DPP3: variants seen among roughly 807,000 people sequenced by gnomAD.
The protein encoded by DPP3 is DPP III.
DPP3 carries 64 observed loss-of-function variants against 89.8 expected under a neutral mutation model. That is an observed-to-expected ratio of 0.71 (90% CI 0.58 to 0.88). DPP3 has a LOEUF of 0.88. Among genes scored for constraint, DPP3 ranks in the 40% least tolerant of loss-of-function variants. DPP3 has a pLI of 0.00. For synonymous variants in DPP3, 377 were observed against 404.3 expected, an observed-to-expected ratio of 0.93 and a Z score of 0.81; for missense variants, 835 against 972.5, an observed-to-expected ratio of 0.86 and a Z score of 1.88.
rs1365008607 is a variant in DPP3 at position 66,493,459 on chromosome 11, A to C, written c.1297-82A>C. The C allele has an allele frequency of 2.8e-6, 4 of 1,434,820 alleles. No individual in the cohort carries two copies. The East Asian group carries it at 6.9e-5, about 25-fold the overall frequency. The allele number at this position is 1,434,820 out of a possible 1,614,324, so 88.9% of individuals were successfully genotyped here. ...CAAGCACATGCACTGAGATGGGTCC[A>C]TGGCCCAGGGGAGGGGAGGCCGACA... On this transcript the variant is annotated intron_variant, in intron 11 of 17. Transcript: ENST00000531863.
At chr11:66,501,825 C>CAAAA (rs35196491) in intron 16 of DPP3, among the ~76,000 whole-genome samples, 1 of 84,440 alleles carries the variant, frequency 1.2e-5, no homozygotes, top group Non-Finnish European at 2.4e-5. Context: ...ACTTTGTCTC[C>CAAAA]AAAAAAAAAA....
rs892981343 is a variant in DPP3 at position 66,489,689 on chromosome 11, A to G, written c.668-1564A>G. Reference sequence around the variant, plus strand: ...TGGGTCAGGAATGCAGGTGGAGCACAGTAGGAACAGCCGGTCGCTGGGTGA... The same window carrying G: ...TGGGTCAGGAATGCAGGTGGAGCACGGTAGGAACAGCCGGTCGCTGGGTGA... On this transcript the variant is annotated intron_variant, in intron 6 of 17. Transcript: ENST00000531863. 8.5e-5 allele frequency among the ~76,000 whole-genome samples: 13 copies of G among 152,210 alleles called. 2 individuals are homozygous for G. Among genetic ancestry groups the G allele is most frequent in the Admixed American group, 7.9e-4 (12 of 15,278 alleles).
At chr11:66,498,242 C>T (rs1382971509) in intron 16 of DPP3, among the ~76,000 whole-genome samples, 5 of 152,140 alleles carry the variant, frequency 3.3e-5, no homozygotes, top group East Asian at 1.9e-4. Flanking sequence ...TACAGGTGCC[C>T]GCCACCATGC....
At chr11:66,486,982 G>T (rs568364013) in intron 4 of DPP3, among the ~76,000 whole-genome samples, 1 of 152,260 alleles carries the variant, frequency 6.6e-6, no homozygotes, top group East Asian at 1.9e-4. Flanking sequence ...GGGAAGGAGG[G>T]GGGTCCCAGG....
At chr11:66,501,287 G>C (rs1855670255) in intron 16 of DPP3, among the ~76,000 whole-genome samples, 1 of 152,006 alleles carries the variant, frequency 6.6e-6, no homozygotes. Flanking sequence ...TTGAACCCGG[G>C]AGGTGGGGAT....
chr11:66,485,339 C>T, intron 3 of DPP3, 77 bp downstream of exon 3: 1 of 1,414,564 alleles, frequency 7.1e-7, no homozygotes, highest in South Asian at 1.2e-5. Context: ...TAGAAGGAGC[C>T]CCAACTGGAG....
Position 66,493,171 on chromosome 11 carries a change from G to T in DPP3, c.1288G>T (p.Asp430Tyr), listed in dbSNP as rs755521307. The T allele has an allele frequency of 6.2e-7, 1 of 1,613,740 alleles. No individual in the cohort carries two copies. Among genetic ancestry groups the T allele is most frequent in the South Asian group, 1.1e-5 (1 of 91,038 alleles). The change falls in exon 11 of 18, where the codon GAT (aspartate) becomes TAT (tyrosine). Residue 430 changes from aspartate (D) to tyrosine (Y), a missense_variant. Physicochemically the swap from Asp to Tyr is radical, Grantham distance 160. Coordinates refer to ENST00000531863, the MANE Select transcript of DPP3 (RefSeq NM_130443.4). The part of the protein sequence containing the change: ...QREKLTFLEE[D>Y]DKDLYILWKG... ...GGAGAAGCTTACCTTTCTGGAGGAG[G>T]ATGACAAGGTGGGCGCCAGCAGTCG...
chr11:66,489,619 C>T (rs1049329814), intron 6 of DPP3, among the ~76,000 whole-genome samples: 1 of 152,160 alleles, frequency 6.6e-6, no homozygotes, highest in East Asian at 1.9e-4. Flanking sequence ...ACAAATGCTC[C>T]GCAAATTTAG....
rs1333897143 is a variant in DPP3, at chr11:66,491,729, C to G, written c.961C>G (p.Pro321Ala). 3.7e-6 allele frequency: 6 copies of G among 1,613,650 alleles called. No individual in the cohort carries two copies. The highest frequency in any genetic ancestry group is 5.1e-6 in the Non-Finnish European group (6 of 1,179,896). ...CGGGTTCATCGAGAGCTACCGCGAC[C>G]CCTTTGGTTCCCGAGGAGAATTTGA... ...YIGFIESYRDPFGSRGEFEGF... is the reference protein window; with the variant it reads ...YIGFIESYRDAFGSRGEFEGF... The change falls in exon 9 of 18, where the codon CCC (proline) becomes GCC (alanine). Residue 321 changes from proline to alanine, a missense_variant. Pro to Ala is a conservative substitution (Grantham distance 27). Transcript: ENST00000531863.
intron 17 of DPP3, among the ~76,000 whole-genome samples, chr11:66,507,789 G>A (rs1227648718): frequency 2.0e-5 from 3 of 150,810 alleles, no homozygotes; most frequent in Non-Finnish European, 2.9e-5. Context: ...ATGATTCTCC[G>A]GCCTCAGCCT....
intron 17 of DPP3, among the ~76,000 whole-genome samples, chr11:66,508,382 G>C (rs1199207552): frequency 6.6e-6 from 1 of 152,214 alleles, no homozygotes; most frequent in African/African-American, 2.4e-5. Flanking sequence ...TACAGATGAG[G>C]AGACTGAAGC....
chr11:66,495,950 G>A (rs1301801506), intron 15 of DPP3, among the ~76,000 whole-genome samples, 200 bp downstream of exon 15: 2 of 152,142 alleles, frequency 1.3e-5, no homozygotes, highest in Non-Finnish European at 2.9e-5. Flanking sequence ...GACTCTCCCC[G>A]GCCACCATTT....
chr11:66,509,022 G>A, intron 17 of DPP3, 57 bp from the exon 18 acceptor site: 1 of 1,573,536 alleles, frequency 6.4e-7, no homozygotes, highest in Non-Finnish European at 8.6e-7. Flanking sequence ...TTTTTATGAT[G>A]ATTCAGTTTC....
intron 3 of DPP3, 132 bp from the exon 4 acceptor site, chr11:66,486,408 C>T: frequency 8.8e-7 from 1 of 1,139,570 alleles, no homozygotes; most frequent in Non-Finnish European, 1.2e-6. Context: ...CCTACAAGTG[C>T]TGCTGGTCCA....
At chr11:66,491,097 T>G (rs915742522) in intron 6 of DPP3, among the ~76,000 whole-genome samples, 156 bp from the exon 7 acceptor site, 1 of 152,148 alleles carries the variant, frequency 6.6e-6, no homozygotes, top group African/African-American at 2.4e-5. Flanking sequence ...GTTGAGAGTT[T>G]ATGCTCATGT....
chr11:66,486,423 C>G (rs994381083), intron 3 of DPP3, 117 bp from the exon 4 acceptor site: 2 of 1,294,092 alleles, frequency 1.5e-6, no homozygotes, highest in African/African-American at 3.1e-5. Context: ...GGTCCATGGA[C>G]CACACAATGA....
intron 6 of DPP3, among the ~76,000 whole-genome samples, chr11:66,489,623 A>C (rs1374616462): frequency 6.6e-6 from 1 of 152,212 alleles, no homozygotes; most frequent in Non-Finnish European, 1.5e-5. Flanking sequence ...ATGCTCCGCA[A>C]ATTTAGTGAT....
chr11:66,486,514 G>T (rs746393509), intron 3 of DPP3, 26 bp from the exon 4 acceptor site: 2 of 1,480,886 alleles, frequency 1.4e-6, no homozygotes, highest in Non-Finnish European at 1.8e-6. Context: ...GGTGTGACTG[G>T]GCCATTGGCC....
rs553400194 is a variant in DPP3, at chr11:66,489,204, A to G, written c.667+1197A>G. On this transcript the variant is annotated intron_variant, in intron 6 of 17. Coordinates refer to ENST00000531863, the MANE Select transcript of DPP3 (RefSeq NM_130443.4). The stretch of plus-strand genomic sequence containing the variant: ...TTGCACAATCCATTCCCTGCTTCTC[A>G]TGCGGAACCCCCTCCAGCCTCTCCT... 2.6e-5 allele frequency among the ~76,000 whole-genome samples: 4 copies of G among 152,074 alleles called. No individual in the cohort carries two copies. The East Asian group carries it at 7.7e-4, about 29-fold the overall frequency.
Sources: gnomAD v4.1 joint callset for allele counts (sites outside exome capture counted in the v4.1 genomes callset) on GRCh38, gnomAD v4.1.1 for gene constraint, MANE v1.5 for transcripts, NCBI Gene and HGNC (gene_info 2026-07-23, HGNC 2026-07-21) for gene names.